GPCPD1: variants seen among roughly 807,000 people sequenced by gnomAD.
The protein encoded by GPCPD1 is glycerophosphocholine phosphodiesterase 1.
A neutral mutation model predicts 89.2 loss-of-function variants in GPCPD1; 29 were observed. The observed-to-expected ratio is 0.33, with a 90% CI of 0.24 to 0.44. GPCPD1 has a LOEUF of 0.44. Ranked by LOEUF, GPCPD1 falls within the 20% of genes least tolerant of loss-of-function variation. The pLI is 1.00. For missense variants in GPCPD1, 594 were observed against 808.9 expected (o/e 0.73, Z 3.22); for synonymous variants, 258 against 266.3 (o/e 0.97, Z 0.30).
chr20:5,572,762 T>C (rs745816373), intron 11 of GPCPD1, among the ~76,000 whole-genome samples: 1 of 151,770 alleles, frequency 6.6e-6, no homozygotes, highest in African/African-American at 2.4e-5. Flanking sequence ...CAAGTTGCAG[T>C]TGCTGAAAAT....
At chr20:5,569,978 C>T (rs1267455415) in intron 12 of GPCPD1, among the ~76,000 whole-genome samples, 169 bp downstream of exon 12, 1 of 152,144 alleles carries the variant, frequency 6.6e-6, no homozygotes, top group Non-Finnish European at 1.5e-5. Context: ...CCCAACTCAT[C>T]ACTGTCTCAA....
At chr20:5,585,614 CAAAAAAAAAAAGACA>C (rs1172320920) in intron 5 of GPCPD1, 1 of 78,876 alleles carries the variant, frequency 1.3e-5, no homozygotes, top group Non-Finnish European at 2.9e-5. Context: ...AAACAACTTA[CAAAAAAAAAAAGACA>C]AAAAAAAAAA....
Position 5,598,066 on chromosome 20 carries a change from A to C in GPCPD1, c.146+659T>G, listed in dbSNP as rs573579436. Among the ~76,000 whole-genome samples, 17 of 152,274 alleles carry C rather than the reference A, an allele frequency of 1.1e-4. No individual in the cohort carries two copies. The East Asian group carries it at 3.1e-3, about 28-fold the overall frequency. ...AAAATAATATATAGTGACCAGACAA[A>C]TGTTAATGCCTTAAAATGTTTCTTC... On this transcript the variant is annotated intron_variant, in intron 3 of 19. Coordinates refer to ENST00000379019, the MANE Select transcript of GPCPD1 (RefSeq NM_019593.5).
chr20:5,578,530 G>C lies in GPCPD1; in HGVS notation c.555C>G (p.Ser185Arg), dbSNP rs1978308366. The C allele has an allele frequency of 2.5e-6, 4 of 1,612,778 alleles. No homozygotes were observed. Among genetic ancestry groups the C allele is most frequent in the Non-Finnish European group, 2.5e-6 (3 of 1,178,760 alleles). Residue 185 changes from serine (S) to arginine (R), a missense_variant, in exon 8 of 20, where the codon AGC becomes AGG. By Grantham distance (110) the Ser-to-Arg change is moderately radical. Coordinates refer to ENST00000379019, the MANE Select transcript of GPCPD1 (RefSeq NM_019593.5). The part of the protein sequence containing the change: ...SPTVLHKMSN[S>R]LEISLISDNE... ...TGTCGCTTATTAAGGATATCTCCAA[G>C]CTATTGGACATTTTGTGGAGTACAG...
intron 6 of GPCPD1, among the ~76,000 whole-genome samples, chr20:5,580,443 C>T (rs532691786): frequency 3.9e-5 from 6 of 151,972 alleles, no homozygotes; most frequent in Non-Finnish European, 7.4e-5. Flanking sequence ...GAAAATAGGC[C>T]GGGCGGGCAT....
chr20:5,564,714 G>A (rs910617332), intron 15 of GPCPD1, among the ~76,000 whole-genome samples: 1 of 152,118 alleles, frequency 6.6e-6, no homozygotes, highest in African/African-American at 2.4e-5. Flanking sequence ...GTGCACAACT[G>A]CAGTTCCAGC....
chr20:5,598,470 A>G (rs1043684754), intron 3 of GPCPD1, among the ~76,000 whole-genome samples: 2 of 150,614 alleles, frequency 1.3e-5, no homozygotes, highest in Non-Finnish European at 3.0e-5. Context: ...AATTATCCTG[A>G]GTTGTAAAAA....
intron 4 of GPCPD1, among the ~76,000 whole-genome samples, chr20:5,587,165 G>A (rs1485320338): frequency 6.6e-6 from 1 of 152,050 alleles, no homozygotes; most frequent in Non-Finnish European, 1.5e-5. Flanking sequence ...TTATTATGCT[G>A]AAATAAAACC....
At chr20:5,579,214 C>T (rs1432104448) in intron 7 of GPCPD1, among the ~76,000 whole-genome samples, 1 of 151,952 alleles carries the variant, frequency 6.6e-6, no homozygotes, top group Non-Finnish European at 1.5e-5. Flanking sequence ...TTATTAAACA[C>T]ATATAATATT....
intron 8 of GPCPD1, among the ~76,000 whole-genome samples, chr20:5,578,053 G>A (rs1301541216): frequency 6.6e-6 from 1 of 152,144 alleles, no homozygotes. Flanking sequence ...CGGGATGCCC[G>A]CCAAGAGGTA....
intron 1 of GPCPD1, among the ~76,000 whole-genome samples, chr20:5,609,977 C>T (rs938600566): frequency 3.9e-5 from 6 of 151,980 alleles, no homozygotes; most frequent in Non-Finnish European, 5.9e-5. Flanking sequence ...TGGGAGGAGG[C>T]GACAGAAGAG....
intron 8 of GPCPD1, among the ~76,000 whole-genome samples, chr20:5,577,576 C>T (rs1978297477): frequency 6.6e-6 from 1 of 151,960 alleles, no homozygotes; most frequent in African/African-American, 2.4e-5. Context: ...TAGAGTCCCA[C>T]AGATCTTACT....
chr20:5,604,655 A>G (rs1374421489), intron 1 of GPCPD1, among the ~76,000 whole-genome samples: 1 of 151,202 alleles, frequency 6.6e-6, no homozygotes, highest in African/African-American at 2.4e-5. Context: ...AAGCAAAAAA[A>G]TAAACCAGGC....
rs757706654 is a variant in GPCPD1 at position 5,575,596 on chromosome 20, C to T, written c.869-51G>A. The T allele has an allele frequency of 1.6e-5, 20 of 1,216,984 alleles. No individual in the cohort carries two copies. The East Asian group carries it at 2.6e-4, about 16-fold the overall frequency. 75.4% of individuals were successfully genotyped at this position (1,216,984 alleles called of 1,614,324 possible). Reference sequence around the variant, plus strand: ...ACAAAAATAAAAATGATTAAAAGGGCCATTATGAGCTACATTATATTTAAA... The same window carrying T: ...ACAAAAATAAAAATGATTAAAAGGGTCATTATGAGCTACATTATATTTAAA... On this transcript the variant is annotated intron_variant, in intron 9 of 19. Coordinates refer to ENST00000379019, the MANE Select transcript of GPCPD1 (RefSeq NM_019593.5).
rs1413734576 is a variant in GPCPD1, at chr20:5,546,778, T to C, written c.*883A>G. On this transcript the variant is annotated 3_prime_UTR_variant, in exon 20 of 20. Transcript: ENST00000379019. ...ACAAAATAAGCATATTTAAAACGCC[T>C]ACAAACAGCCTTTTTTTTTTAGGCA... 1 of 150,500 alleles carries C rather than the reference T, an allele frequency of 6.6e-6. No individual in the cohort carries two copies. The highest frequency in any genetic ancestry group is 1.5e-5 in the Non-Finnish European group (1 of 67,934). 9.3% of individuals were successfully genotyped at this position (150,500 alleles called of 1,614,324 possible). A position where few individuals can be genotyped will look rare whatever the true frequency, so the allele number is the denominator to read the frequency against.
At chr20:5,599,801 C>T (rs998269156) in intron 2 of GPCPD1, among the ~76,000 whole-genome samples, 2 of 152,134 alleles carry the variant, frequency 1.3e-5, no homozygotes, top group African/African-American at 4.8e-5. Context: ...GATCTGCCCG[C>T]CTTGGCCTCC....
chr20:5,597,816 C>T (rs1979835633), intron 3 of GPCPD1, among the ~76,000 whole-genome samples: 1 of 152,172 alleles, frequency 6.6e-6, no homozygotes, highest in South Asian at 2.1e-4. Flanking sequence ...ATTTACCTTT[C>T]TCCATCCACT....
chr20:5,548,882 A>C, intron 19 of GPCPD1: 1 of 1,024,196 alleles, frequency 9.8e-7, no homozygotes, highest in Non-Finnish European at 1.4e-6. Context: ...TCCCCCTGTG[A>C]AGAGGAGAAA....
chr20:5,608,248 C>T (rs554855585), intron 1 of GPCPD1, among the ~76,000 whole-genome samples: 136 of 152,214 alleles, frequency 8.9e-4, no homozygotes, highest in African/African-American at 3.0e-3. Flanking sequence ...AGTAACTTAG[C>T]GGTAAACAGC....
Sources: allele counts gnomAD v4.1 joint callset (sites outside exome capture counted in the v4.1 genomes callset), GRCh38; gene constraint gnomAD v4.1.1; transcripts MANE v1.5; gene names NCBI Gene and HGNC (gene_info 2026-07-23, HGNC 2026-07-21).